The following ATP13A5 variants were observed in gnomAD, a reference collection of about 807,000 sequenced individuals.
ATP13A5 encodes the protein ATPase 13A5, also known as probable cation-transporting ATPase 13A5.
ATP13A5 carries 149 observed loss-of-function variants against 150.2 expected under a neutral mutation model. The ratio of observed to expected loss-of-function variants is 0.99; its 90% CI spans 0.87 to 1.14. The LOEUF (loss-of-function observed/expected upper bound fraction) is 1.14. Ranked by LOEUF, ATP13A5 falls within the 50% of genes most tolerant of loss-of-function variation. The pLI is 0.00. For synonymous variants in ATP13A5, 497 were observed against 522.2 expected (o/e 0.95, Z 0.66); for missense variants, 1,383 against 1,449.3 (o/e 0.95, Z 0.74).
chr3:193,332,449 G>A (rs1711669240), intron 11 of ATP13A5, among the ~76,000 whole-genome samples: 1 of 152,144 alleles, frequency 6.6e-6, no homozygotes, highest in African/African-American at 2.4e-5. Flanking sequence ...TCACAGGGTT[G>A]ACTGATTGAT....
chr3:193,309,982 G>A (rs1332521678), intron 21 of ATP13A5, among the ~76,000 whole-genome samples: 1 of 152,140 alleles, frequency 6.6e-6, no homozygotes, highest in Non-Finnish European at 1.5e-5. Flanking sequence ...ATTAAGCCCA[G>A]TACCCAGTAG....
intron 2 of ATP13A5, among the ~76,000 whole-genome samples, chr3:193,363,769 A>G (rs1713130753): frequency 6.6e-6 from 1 of 152,170 alleles, no homozygotes. Flanking sequence ...TTTTTGAAAA[A>G]CTGAATGACC....
intron 1 of ATP13A5, among the ~76,000 whole-genome samples, chr3:193,369,783 C>A (rs1275668221): frequency 6.6e-6 from 1 of 152,142 alleles, no homozygotes; most frequent in Non-Finnish European, 1.5e-5. Context: ...GATTTAACTT[C>A]TCTAATCTCA....
At chr3:193,341,005 G>C (rs1481578830) in intron 9 of ATP13A5, among the ~76,000 whole-genome samples, 1 of 152,088 alleles carries the variant, frequency 6.6e-6, no homozygotes, top group African/African-American at 2.4e-5. Context: ...GTGACCTTAG[G>C]CAAATTAGTT....
chr3:193,351,708 A>G (rs998678294), intron 6 of ATP13A5, among the ~76,000 whole-genome samples: 1 of 152,200 alleles, frequency 6.6e-6, no homozygotes, highest in Non-Finnish European at 1.5e-5. Flanking sequence ...AGGTCCTAGC[A>G]AGGTCACATA....
rs1459733609 is a variant in ATP13A5 at position 193,337,195 on chromosome 3, C to T, written c.944-2096G>A. On this transcript the variant is annotated intron_variant, in intron 9 of 29. Transcript: ENST00000342358. ...TCTCCCATTCTCTAGGTTGTCTGTTCACTCTGACGGTAGTTTCTTTTGCTG... is the reference window on the plus strand; with the variant it reads ...TCTCCCATTCTCTAGGTTGTCTGTTTACTCTGACGGTAGTTTCTTTTGCTG... Among the ~76,000 whole-genome samples, 6 of 152,164 alleles carry T rather than the reference C, an allele frequency of 3.9e-5. No homozygotes were observed. In the East Asian group the frequency reaches 1.2e-3, roughly 29 times the overall value.
At chr3:193,378,612 T>C (rs1194014996) in intron 1 of ATP13A5, 51 bp downstream of exon 1, 1 of 1,478,084 alleles carries the variant, frequency 6.8e-7, no homozygotes, top group Admixed American at 1.7e-5. Flanking sequence ...TAGCCCATAC[T>C]CACCGCCTTG....
At chr3:193,369,417 G>A (rs1713364206) in intron 1 of ATP13A5, among the ~76,000 whole-genome samples, 1 of 152,084 alleles carries the variant, frequency 6.6e-6, no homozygotes, top group African/African-American at 2.4e-5. Flanking sequence ...AAGACAATTT[G>A]AGATAAGATT....
At chr3:193,293,197 A>C (rs759455265) in intron 25 of ATP13A5, among the ~76,000 whole-genome samples, 6 of 152,082 alleles carry the variant, frequency 3.9e-5, no homozygotes, top group Non-Finnish European at 7.4e-5. Context: ...GCATCTCAAA[A>C]ATTAAAAGAA....
At chr3:193,301,654 T>C (rs1478682183) in intron 23 of ATP13A5, among the ~76,000 whole-genome samples, 17 of 152,192 alleles carry the variant, frequency 1.1e-4, no homozygotes. Flanking sequence ...TACAACATTA[T>C]GATAAGGTGC....
intron 12 of ATP13A5, among the ~76,000 whole-genome samples, chr3:193,330,884 A>G (rs1711602637): frequency 6.6e-6 from 1 of 152,232 alleles, no homozygotes; most frequent in African/African-American, 2.4e-5. Context: ...CCAGGCACAC[A>G]AATTATTAAG....
intron 5 of ATP13A5, among the ~76,000 whole-genome samples, chr3:193,359,997 G>A (rs1712943375): frequency 1.3e-5 from 2 of 152,200 alleles, no homozygotes; most frequent in African/African-American, 4.8e-5. Context: ...TTAATAGGAA[G>A]ACTACTTGAC....
Position 193,364,097 on chromosome 3 carries a change from A to C in ATP13A5, c.237+10T>G. 6.2e-7 allele frequency: 1 copy of C among 1,611,894 alleles called. No homozygotes were observed. The highest frequency in any genetic ancestry group is 8.5e-7 in the Non-Finnish European group (1 of 1,178,602). Reference sequence around the variant, plus strand: ...ATGGCTTTCAAAATAGAAAACAGAAAGGCACGCACTGTTGTCCTCAGCAAA... The same window carrying C: ...ATGGCTTTCAAAATAGAAAACAGAACGGCACGCACTGTTGTCCTCAGCAAA... On this transcript the variant is annotated intron_variant, in intron 2 of 29. Coordinates refer to ENST00000342358, the MANE Select transcript of ATP13A5 (RefSeq NM_198505.4).
At chr3:193,328,707 G>T (rs1470422899) in intron 12 of ATP13A5, among the ~76,000 whole-genome samples, 3 of 152,010 alleles carry the variant, frequency 2.0e-5, no homozygotes, top group Non-Finnish European at 4.4e-5. Flanking sequence ...GGGCTGAATT[G>T]AATAAAAAGA....
At chr3:193,372,983 C>T (rs2108586201) in intron 1 of ATP13A5, among the ~76,000 whole-genome samples, 1 of 152,280 alleles carries the variant, frequency 6.6e-6, no homozygotes, top group Middle Eastern at 3.4e-3. Flanking sequence ...AGAGAGCCAA[C>T]AGGGCTGACT....
Position 193,351,211 on chromosome 3 carries a change from CA to C in ATP13A5, c.607-11del. On this transcript the variant is annotated splice_polypyrimidine_tract_variant and intron_variant, in intron 6 of 29. Transcript: ENST00000342358. ...AGAATGGATTTAAAACCTGCAGGCACAAAAATGGCATTTGGGTCACTTGCAT... is the reference window on the plus strand; with the variant it reads ...AGAATGGATTTAAAACCTGCAGGCACAAAATGGCATTTGGGTCACTTGCAT... 1 of 1,613,108 alleles carries C rather than the reference CA, an allele frequency of 6.2e-7. No individual in the cohort carries two copies. The highest frequency in any genetic ancestry group is 8.5e-7 in the Non-Finnish European group (1 of 1,179,444).
intron 18 of ATP13A5, 122 bp from the exon 19 acceptor site, chr3:193,314,315 T>C: frequency 1.8e-6 from 2 of 1,086,066 alleles, no homozygotes; most frequent in Non-Finnish European, 2.6e-6. Context: ...TTCTGCCTTA[T>C]TTTATCTTCC....
Position 193,362,749 on chromosome 3 carries a change from CCTTCTTTCTTTCTTT to C in ATP13A5, c.385-127_385-113del. The C allele has an allele frequency of 3.4e-6, 3 of 890,270 alleles. 1 individual carries two copies. The highest frequency in any genetic ancestry group is 2.8e-5 in the South Asian group (2 of 71,274). 55.1% of individuals were successfully genotyped at this position (890,270 alleles called of 1,614,324 possible). ...TCCCCTTGTGGGTCTCACTTGCTTTCCTTCTTTCTTTCTTTCTTTCTTTCTTTCTTTCTTTCTTTC... is the reference window on the plus strand; with the variant it reads ...TCCCCTTGTGGGTCTCACTTGCTTTCCTTTCTTTCTTTCTTTCTTTCTTTC... On this transcript the variant is annotated intron_variant, in intron 3 of 29. Coordinates refer to ENST00000342358, the MANE Select transcript of ATP13A5 (RefSeq NM_198505.4).
Position 193,305,608 on chromosome 3 carries a change from G to T in ATP13A5, c.2629C>A (p.Pro877Thr), listed in dbSNP as rs762416120. The part of the protein sequence containing the change: ...LSEQEASVAS[P>T]FTSKTTNIQC... ...ATGTTGGTTGTTTTAGAGGTAAAAGGGGATGCCACAGATGCTTCCTGCTCT... is the reference window on the plus strand; with the variant it reads ...ATGTTGGTTGTTTTAGAGGTAAAAGTGGATGCCACAGATGCTTCCTGCTCT... Residue 877 changes from proline (P) to threonine (T), a missense_variant, in exon 23 of 30, where the codon CCT becomes ACT. By Grantham distance (38) the Pro-to-Thr change is conservative. Transcript: ENST00000342358. 1 of 1,613,978 alleles carries T rather than the reference G, an allele frequency of 6.2e-7. No homozygotes were observed. The highest frequency in any genetic ancestry group is 8.5e-7 in the Non-Finnish European group (1 of 1,179,888).
Sources: gnomAD v4.1 joint callset for allele counts (sites outside exome capture counted in the v4.1 genomes callset) on GRCh38, gnomAD v4.1.1 for gene constraint, MANE v1.5 for transcripts, NCBI Gene and HGNC (gene_info 2026-07-23, HGNC 2026-07-21) for gene names.